TACR3: variants seen among roughly 807,000 people sequenced by gnomAD.
The protein encoded by TACR3 is neuromedin-K receptor.
A neutral mutation model predicts 35.0 loss-of-function variants in TACR3; 34 were observed. The observed-to-expected ratio is 0.97, with a 90% CI of 0.74 to 1.30. The LOEUF (loss-of-function observed/expected upper bound fraction) is 1.30. Among genes scored for constraint, TACR3 ranks in the 50% most tolerant of loss-of-function variants. The probability of loss-of-function intolerance (pLI) is 0.00; values close to 1 mark genes in which losing one functional copy is unlikely to be tolerated. For missense variants in TACR3, 558 were observed against 591.7 expected (o/e 0.94, Z 0.59); for synonymous variants, 233 against 221.1 (o/e 1.05, Z -0.48).
intron 3 of TACR3, among the ~76,000 whole-genome samples, chr4:103,594,227 G>A (rs1004247840): frequency 1.6e-4 from 24 of 151,494 alleles, no homozygotes; most frequent in Non-Finnish European, 1.5e-5. Flanking sequence ...ACCCAGGCTG[G>A]AGTGCAGTGG....
At chr4:103,605,404 C>T (rs545923870) in intron 3 of TACR3, among the ~76,000 whole-genome samples, 1 of 96,154 alleles carries the variant, frequency 1.0e-5, no homozygotes, top group Non-Finnish European at 2.5e-5. Flanking sequence ...AATTGCCACA[C>T]TGACTTCCAC....
At chr4:103,687,557 T>C (rs1441554202) in intron 1 of TACR3, among the ~76,000 whole-genome samples, 2 of 152,090 alleles carry the variant, frequency 1.3e-5, no homozygotes, top group Non-Finnish European at 2.9e-5. Context: ...AGTCTCAGGA[T>C]ACAAAATCAA....
At chr4:103,700,893 G>A (rs530743017) in intron 1 of TACR3, among the ~76,000 whole-genome samples, 35 of 152,106 alleles carry the variant, frequency 2.3e-4, no homozygotes, top group South Asian at 1.9e-3. Flanking sequence ...TTGATGGGAC[G>A]TATCTCAAAA....
chr4:103,681,771 C>T (rs557707065), intron 1 of TACR3, among the ~76,000 whole-genome samples: 2 of 152,174 alleles, frequency 1.3e-5, no homozygotes, highest in South Asian at 4.2e-4. Context: ...ATCTAACTGA[C>T]ATTTATGGAG....
intron 3 of TACR3, among the ~76,000 whole-genome samples, chr4:103,637,134 A>T (rs1231611536): frequency 2.0e-5 from 3 of 152,156 alleles, no homozygotes; most frequent in Non-Finnish European, 4.4e-5. Context: ...AGACACAACC[A>T]AAAAAGAGAA....
At chr4:103,645,103 C>A (rs566400148) in intron 3 of TACR3, among the ~76,000 whole-genome samples, 1 of 151,934 alleles carries the variant, frequency 6.6e-6, no homozygotes, top group South Asian at 2.1e-4. Context: ...ACAAAGCCAG[C>A]ATTTTAGCAG....
intron 1 of TACR3, among the ~76,000 whole-genome samples, chr4:103,671,058 C>T (rs58680606): frequency 0.16 from 24,637 of 151,822 alleles, 2,612 homozygotes; most frequent in East Asian, 0.43. Context: ...TTAGCATCTT[C>T]TGAAATAGTC....
chr4:103,686,093 T>C (rs1327184337), intron 1 of TACR3, among the ~76,000 whole-genome samples: 1 of 152,172 alleles, frequency 6.6e-6, no homozygotes, highest in Non-Finnish European at 1.5e-5. Context: ...TAGTTATAAA[T>C]TTAACAGGAT....
chr4:103,691,639 T>C (rs567929007), intron 1 of TACR3, among the ~76,000 whole-genome samples: 62 of 152,266 alleles, frequency 4.1e-4, no homozygotes, highest in Middle Eastern at 3.4e-3. Context: ...ACAAAATCTC[T>C]GCAGCACTGT....
intron 1 of TACR3, among the ~76,000 whole-genome samples, chr4:103,709,120 C>T (rs1053113765): frequency 5.9e-5 from 9 of 152,116 alleles, no homozygotes; most frequent in Non-Finnish European, 1.2e-4. Context: ...AACCTACCAA[C>T]GCAGGCCAAC....
chr4:103,599,948 A>T (rs890312268), intron 3 of TACR3, among the ~76,000 whole-genome samples: 15 of 152,110 alleles, frequency 9.9e-5, no homozygotes, highest in African/African-American at 3.6e-4. Flanking sequence ...GGGCTTTGGT[A>T]TCAGGATGAT....
intron 1 of TACR3, among the ~76,000 whole-genome samples, chr4:103,704,744 T>C (rs1722747357): frequency 6.6e-6 from 1 of 152,086 alleles, no homozygotes; most frequent in Admixed American, 6.6e-5. Context: ...AGCCAAACCA[T>C]ACCAAGTGCT....
At chr4:103,716,548 T>C (rs2110234400) in intron 1 of TACR3, among the ~76,000 whole-genome samples, 1 of 152,256 alleles carries the variant, frequency 6.6e-6, no homozygotes, top group East Asian at 1.9e-4. Context: ...ATGCCTTTTA[T>C]TATAACAATT....
At chr4:103,700,977 G>A (rs2110223382) in intron 1 of TACR3, among the ~76,000 whole-genome samples, 1 of 152,264 alleles carries the variant, frequency 6.6e-6, no homozygotes, top group South Asian at 2.1e-4. Flanking sequence ...CATTCCCTTT[G>A]AAAACTGGCA....
chr4:103,703,670 T>C (rs1722717147), intron 1 of TACR3, among the ~76,000 whole-genome samples: 1 of 152,082 alleles, frequency 6.6e-6, no homozygotes, highest in Non-Finnish European at 1.5e-5. Flanking sequence ...TCAATAAAAA[T>C]GATTTATGCT....
At chr4:103,644,197 G>A (rs1184826106) in intron 3 of TACR3, among the ~76,000 whole-genome samples, 2 of 151,728 alleles carry the variant, frequency 1.3e-5, no homozygotes, top group Non-Finnish European at 2.9e-5. Context: ...GATATAGAAG[G>A]CTCTCCTGAT....
intron 1 of TACR3, among the ~76,000 whole-genome samples, chr4:103,704,801 T>G (rs1309592137): frequency 6.6e-6 from 1 of 152,162 alleles, no homozygotes; most frequent in Non-Finnish European, 1.5e-5. Context: ...TCCCCGACTA[T>G]CCTCACTAGG....
intron 1 of TACR3, among the ~76,000 whole-genome samples, chr4:103,700,971 C>G (rs1722637039): frequency 6.6e-6 from 1 of 152,048 alleles, no homozygotes. Flanking sequence ...TGGAAGCATT[C>G]CCTTTGAAAA....
chr4:103,624,847 G>A (rs1724855873), intron 3 of TACR3, among the ~76,000 whole-genome samples: 1 of 152,144 alleles, frequency 6.6e-6, no homozygotes, highest in African/African-American at 2.4e-5. Flanking sequence ...GTATTTGGAA[G>A]TTTGGAATCA....
Sources: gnomAD v4.1 joint callset for allele counts (sites outside exome capture counted in the v4.1 genomes callset) on GRCh38, gnomAD v4.1.1 for gene constraint, MANE v1.5 for transcripts, NCBI Gene and HGNC (gene_info 2026-07-23, HGNC 2026-07-21) for gene names.